Variants in SIK3 observed in about 807,000 individuals in gnomAD.
SIK3 encodes serine/threonine-protein kinase SIK3.
In SIK3, 28 loss-of-function variants were observed where a neutral mutation model predicts 144.2. That is an observed-to-expected ratio of 0.19 (90% confidence interval 0.14 to 0.27). The LOEUF (loss-of-function observed/expected upper bound fraction) is 0.27. Ranked by LOEUF, SIK3 falls within the 10% of genes least tolerant of loss-of-function variation. SIK3 has a pLI of 1.00. For missense variants in SIK3, 1,319 were observed against 1,776.0 expected, an observed-to-expected ratio of 0.74 and a Z score of 4.62; for synonymous variants, 686 against 676.3, an observed-to-expected ratio of 1.01 and a Z score of -0.22.
At chr11:117,013,915 G>GGTGTGTGTGTGTGTGT (rs71037441) in intron 1 of SIK3, among the ~76,000 whole-genome samples, 11 of 23,646 alleles carry the variant, frequency 4.7e-4, no homozygotes, top group African/African-American at 9.6e-4. Flanking sequence ...GGGGGGGGAG[G>GGTGTGTGTGTGTGTGT]GTGTGTGTGT....
intron 4 of SIK3, among the ~76,000 whole-genome samples, chr11:116,908,880 T>C (rs1009883103): frequency 1.3e-5 from 2 of 152,208 alleles, no homozygotes; most frequent in African/African-American, 4.8e-5. Flanking sequence ...GCAATTTCAC[T>C]TCTCAGTTTA....
chr11:116,987,464 A>G (rs2135542727), intron 1 of SIK3, among the ~76,000 whole-genome samples: 1 of 152,284 alleles, frequency 6.6e-6, no homozygotes, highest in Non-Finnish European at 1.5e-5. Flanking sequence ...ACTCTTCAAG[A>G]GTACTACTCA....
At chr11:116,964,986 G>T (rs976207216) in intron 1 of SIK3, among the ~76,000 whole-genome samples, 2 of 152,132 alleles carry the variant, frequency 1.3e-5, no homozygotes, top group Admixed American at 6.5e-5. Flanking sequence ...GTACTGAATG[G>T]TGACTGTAAA....
intron 1 of SIK3, among the ~76,000 whole-genome samples, chr11:117,027,635 G>T (rs764395515): frequency 6.6e-6 from 1 of 151,754 alleles, no homozygotes; most frequent in African/African-American, 2.4e-5. Context: ...GCTAACTTTT[G>T]TATTTTTTTT....
rs148209453 is a variant in SIK3 at position 116,863,674 on chromosome 11, C to T, written c.2097G>A (p.Leu699=). The T allele has an allele frequency of 3.1e-4, 502 of 1,614,162 alleles. 3 individuals carry two copies. The African/African-American group carries it at 6.0e-3, about 19-fold the overall frequency. Residue 699 remains leucine, a synonymous_variant, in exon 16 of 25, where the codon CTG becomes CTA. Transcript: ENST00000445177. Reference sequence around the variant, plus strand: ...CTGCCACCTCTTCCATTACCTGCTGCAGCTGTTTGATGCTGCTGTTGTTGC... The same window carrying T: ...CTGCCACCTCTTCCATTACCTGCTGTAGCTGTTTGATGCTGCTGTTGTTGC... ...KMGNNSSIKQ[L]QQECEQLQKM...
At chr11:116,928,707 A>C (rs1349668994) in intron 3 of SIK3, among the ~76,000 whole-genome samples, 1 of 152,224 alleles carries the variant, frequency 6.6e-6, no homozygotes, top group Admixed American at 6.5e-5. Flanking sequence ...GCAGATTGCA[A>C]AATAATTCAA....
intron 3 of SIK3, among the ~76,000 whole-genome samples, chr11:116,950,630 A>C (rs1486672647): frequency 6.6e-6 from 1 of 152,214 alleles, no homozygotes; most frequent in Non-Finnish European, 1.5e-5. Context: ...AGACTTCTTA[A>C]GCCCTTCTGT....
intron 1 of SIK3, among the ~76,000 whole-genome samples, chr11:117,049,150 T>G (rs1953109214): frequency 6.6e-6 from 1 of 152,176 alleles, no homozygotes; most frequent in South Asian, 2.1e-4. Flanking sequence ...TCAGTTTTTT[T>G]GTCTAGCATC....
intron 1 of SIK3, among the ~76,000 whole-genome samples, chr11:117,065,914 G>C (rs1953990307): frequency 1.3e-5 from 2 of 151,886 alleles, no homozygotes; most frequent in Admixed American, 1.3e-4. Flanking sequence ...TTACAGGTGT[G>C]AGCCGCCAAA....
Position 116,849,116 on chromosome 11 carries a change from AT to A in SIK3, c.3819+3del. The A allele has an allele frequency of 6.3e-7, 1 of 1,582,440 alleles. No individual in the cohort carries two copies. Among genetic ancestry groups the A allele is most frequent in the Non-Finnish European group, 8.6e-7 (1 of 1,160,414 alleles). ...CCTCTGTGCAGCAGGTGGGACCAAC[AT>A]ACATAAGCATCGTCGCTGTTCTGGA... On this transcript the variant is annotated splice_donor_region_variant and intron_variant, in intron 22 of 24. Coordinates refer to ENST00000445177, the MANE Select transcript of SIK3 (RefSeq NM_001366686.3). This position sits in a 1 kb window ranked among gnomAD's most constrained non-coding sequence, Gnocchi z 4.2.
chr11:117,015,484 T>A (rs1300691267), intron 1 of SIK3, among the ~76,000 whole-genome samples: 2 of 152,102 alleles, frequency 1.3e-5, no homozygotes, highest in Non-Finnish European at 2.9e-5. Flanking sequence ...CGATCTTGGC[T>A]CACTGCAACC....
chr11:116,882,633 C>T (rs560610463), intron 6 of SIK3, among the ~76,000 whole-genome samples: 39 of 152,050 alleles, frequency 2.6e-4, no homozygotes, highest in Non-Finnish European at 5.1e-4. Flanking sequence ...CATCTGTGTA[C>T]CAGAAGGCAC....
intron 1 of SIK3, among the ~76,000 whole-genome samples, chr11:116,965,506 CAGAAGTTTAAGAGGGAGA>C: frequency 6.6e-6 from 1 of 151,058 alleles, no homozygotes; most frequent in South Asian, 2.1e-4. Context: ...AAACAAATTG[CAGAAGTTTAAGAGGGAGA>C]TACTTAGAAT....
chr11:116,992,766 T>C (rs1950540716), intron 1 of SIK3, among the ~76,000 whole-genome samples: 1 of 152,168 alleles, frequency 6.6e-6, no homozygotes, highest in African/African-American at 2.4e-5. Flanking sequence ...AGGAGGACTC[T>C]TGAGCCCAAA....
At chr11:116,851,696 G>A (rs1942457560) in intron 21 of SIK3, among the ~76,000 whole-genome samples, 2 of 152,164 alleles carry the variant, frequency 1.3e-5, no homozygotes, top group African/African-American at 4.8e-5. Flanking sequence ...CCAGCAGAGA[G>A]AAGATAAAAG....
chr11:116,847,959 G>A (rs550891501), intron 22 of SIK3, among the ~76,000 whole-genome samples: 1 of 152,296 alleles, frequency 6.6e-6, no homozygotes, highest in South Asian at 2.1e-4. Flanking sequence ...CTGCAGTGAT[G>A]GAAATGTTCT....
chr11:117,033,688 G>A (rs182511846), intron 1 of SIK3, among the ~76,000 whole-genome samples: 221 of 148,362 alleles, frequency 1.5e-3, no homozygotes, highest in African/African-American at 4.9e-3. Context: ...CAGTCTGGGG[G>A]GAAAGAGCGA....
intron 1 of SIK3, among the ~76,000 whole-genome samples, chr11:117,061,917 A>G (rs1449466862): frequency 6.6e-6 from 1 of 152,240 alleles, no homozygotes; most frequent in Non-Finnish European, 1.5e-5. Flanking sequence ...ACAGTAATTA[A>G]AACAAAGTAT....
At chr11:116,947,217 A>ATATATAAATTATTATTTATATTTAT (rs1948681787) in intron 3 of SIK3, among the ~76,000 whole-genome samples, 1 of 119,142 alleles carries the variant, frequency 8.4e-6, no homozygotes, top group Admixed American at 8.7e-5. Flanking sequence ...TTTATATACA[A>ATATATAAATTATTATTTATATTTAT]TATATAATTA....
Sources: allele counts gnomAD v4.1 joint callset (sites outside exome capture counted in the v4.1 genomes callset), GRCh38; gene constraint gnomAD v4.1.1; non-coding constraint Gnocchi (gnomAD v3.1); transcripts MANE v1.5; gene names NCBI Gene and HGNC (gene_info 2026-07-23, HGNC 2026-07-21).